NXPE2: variants seen among roughly 807,000 people sequenced by gnomAD.
NXPE2 encodes the protein neurexophilin and PC-esterase domain family member 2.
In NXPE2, 34 loss-of-function variants were observed where a neutral mutation model predicts 34.4. That is an observed-to-expected ratio of 0.99 (90% confidence interval 0.75 to 1.31). NXPE2 has a LOEUF of 1.31. NXPE2 is among the 40% of genes most tolerant of loss of function. The probability of loss-of-function intolerance (pLI) is 0.00; values close to 1 mark genes in which losing one functional copy is unlikely to be tolerated. For synonymous variants in NXPE2, 235 were observed against 231.3 expected (o/e 1.02, Z -0.15); for missense variants, 649 against 672.5 (o/e 0.97, Z 0.39).
At chr11:114,639,934 A>T in the NXPE2 span, among the ~76,000 whole-genome samples, 1 of 114,900 alleles carries the variant, frequency 8.7e-6, no homozygotes, top group African/African-American at 3.5e-5. Context: ...TATATATTAT[A>T]TTAAATATAA....
chr11:114,465,342 C>A, the NXPE2 span, among the ~76,000 whole-genome samples: 1 of 152,128 alleles, frequency 6.6e-6, no homozygotes, highest in African/African-American at 2.4e-5. Flanking sequence ...CTACATGCAG[C>A]AACATGGATG....
At chr11:114,638,745 C>G in the NXPE2 span, among the ~76,000 whole-genome samples, 2 of 151,982 alleles carry the variant, frequency 1.3e-5, no homozygotes, top group African/African-American at 2.4e-5. Flanking sequence ...ACCCTGTTTG[C>G]CTGGGTAACA....
At chr11:114,724,533 C>T in the NXPE2 span, among the ~76,000 whole-genome samples, 3 of 152,064 alleles carry the variant, frequency 2.0e-5, no homozygotes, top group South Asian at 2.1e-4. Context: ...TAGACCAGTC[C>T]TTTGCAGAGT....
chr11:114,489,086 T>C, the NXPE2 span, among the ~76,000 whole-genome samples: 2,590 of 151,796 alleles, frequency 0.017, 80 homozygotes, highest in African/African-American at 0.058. Context: ...AACACCTCTA[T>C]GCAAATAAAC....
chr11:114,601,943 T>C, the NXPE2 span, among the ~76,000 whole-genome samples: 4 of 83,282 alleles, frequency 4.8e-5, no homozygotes, highest in African/African-American at 9.8e-5. Context: ...ATATATTATA[T>C]AATTATATAT....
chr11:114,791,367 T>G, the NXPE2 span, among the ~76,000 whole-genome samples: 1 of 152,268 alleles, frequency 6.6e-6, no homozygotes, highest in East Asian at 1.9e-4. Context: ...GAAGCTGCCA[T>G]GAGGAAGCCG....
At chr11:114,784,322 AT>A in the NXPE2 span, among the ~76,000 whole-genome samples, 2 of 151,428 alleles carry the variant, frequency 1.3e-5, no homozygotes, top group South Asian at 2.1e-4. Context: ...CCAGCCCTGC[AT>A]TTTTTTTTCC....
chr11:114,808,887 C>CA, the NXPE2 span, among the ~76,000 whole-genome samples: 13 of 151,950 alleles, frequency 8.6e-5, no homozygotes, highest in Non-Finnish European at 8.8e-5. Flanking sequence ...AGAGACACAA[C>CA]AAAAAAAGAG....
chr11:114,703,906 G>A (rs1455392497), intron 3 of NXPE2, 85 bp from the exon 4 acceptor site: 1 of 938,952 alleles, frequency 1.1e-6, no homozygotes. Flanking sequence ...ATTTGGAGAA[G>A]AGAGGTTTAA....
the NXPE2 span, among the ~76,000 whole-genome samples, chr11:114,528,192 C>G: frequency 6.6e-6 from 1 of 152,162 alleles, no homozygotes; most frequent in African/African-American, 2.4e-5. Flanking sequence ...AAGTTCTCTT[C>G]TCTCTTTCTG....
the NXPE2 span, among the ~76,000 whole-genome samples, chr11:114,739,328 CT>C: frequency 1.8e-5 from 1 of 55,820 alleles, no homozygotes; most frequent in African/African-American, 5.9e-5. Flanking sequence ...TCCTTCCTTC[CT>C]TCCTTCCTTC....
the NXPE2 span, among the ~76,000 whole-genome samples, chr11:114,785,501 GTTAA>G: frequency 6.6e-6 from 1 of 152,152 alleles, no homozygotes; most frequent in Admixed American, 6.5e-5. Flanking sequence ...CAATGGCTCA[GTTAA>G]TTAATATATT....
chr11:114,680,737 A>G (rs1950936518), intron 2 of NXPE2, among the ~76,000 whole-genome samples: 1 of 152,188 alleles, frequency 6.6e-6, no homozygotes, highest in South Asian at 2.1e-4. Context: ...GCCTAAGATT[A>G]CAAAGTATTA....
At chr11:114,630,658 C>A in the NXPE2 span, among the ~76,000 whole-genome samples, 6 of 150,584 alleles carry the variant, frequency 4.0e-5, no homozygotes, top group Admixed American at 6.6e-5. Context: ...GCAACAAAAG[C>A]CAAAATTGAC....
At chr11:114,809,639 T>C in the NXPE2 span, among the ~76,000 whole-genome samples, 1 of 12,294 alleles carries the variant, frequency 8.1e-5, no homozygotes, top group African/African-American at 9.2e-5. Context: ...ACAAGGGACA[T>C]GAAGGACCTC....
At chr11:114,654,344 T>A in the NXPE2 span, among the ~76,000 whole-genome samples, 2 of 149,880 alleles carry the variant, frequency 1.3e-5, no homozygotes, top group Non-Finnish European at 3.0e-5. Flanking sequence ...TCCCAACTAT[T>A]TTTTTTTTAT....
chr11:114,472,608 C>T, the NXPE2 span, among the ~76,000 whole-genome samples: 3 of 152,034 alleles, frequency 2.0e-5, no homozygotes, highest in African/African-American at 7.2e-5. Context: ...ATTTATTTCT[C>T]ACAGTTCTAG....
chr11:114,604,734 G>T, the NXPE2 span, among the ~76,000 whole-genome samples: 4 of 151,204 alleles, frequency 2.6e-5, no homozygotes, highest in Non-Finnish European at 5.9e-5. Flanking sequence ...ACTGTTACTC[G>T]GTGGATAATA....
the NXPE2 span, chr11:114,581,889 C>A: frequency 1.3e-6 from 1 of 786,902 alleles, no homozygotes; most frequent in South Asian, 1.6e-5. Flanking sequence ...AGAGATAAGT[C>A]AATTATTATG....
Sources: allele counts gnomAD v4.1 joint callset (sites outside exome capture counted in the v4.1 genomes callset), GRCh38; gene constraint gnomAD v4.1.1; transcripts MANE v1.5; gene names NCBI Gene and HGNC (gene_info 2026-07-23, HGNC 2026-07-21).